CAMK2G: variants seen among roughly 807,000 people sequenced by gnomAD.
The protein encoded by CAMK2G is calcium/calmodulin dependent protein kinase II gamma, also known as calcium/calmodulin-dependent protein kinase type II subunit gamma.
In CAMK2G, 23 loss-of-function variants were observed where a neutral mutation model predicts 88.7. The observed-to-expected ratio is 0.26, with a 90% CI of 0.19 to 0.37. The LOEUF (loss-of-function observed/expected upper bound fraction) is 0.37, where lower values mean the gene tolerates loss of function less well. Among genes scored for constraint, CAMK2G ranks in the 10% least tolerant of loss-of-function variants. The probability of loss-of-function intolerance (pLI) is 1.00; values close to 1 mark genes in which losing one functional copy is unlikely to be tolerated. For missense variants in CAMK2G, 476 were observed against 780.8 expected, an observed-to-expected ratio of 0.61 and a Z score of 4.65; for synonymous variants, 263 against 294.8, an observed-to-expected ratio of 0.89 and a Z score of 1.11.
rs1251952984 is a variant in CAMK2G at position 73,853,165 on chromosome 10, C to T, written c.275+27G>A. On this transcript the variant is annotated intron_variant, in intron 4 of 22. Transcript: ENST00000423381. ...TTTGAGTCAGCTAGAGGGAAAGGCC[C>T]CCACACCCTCAGAAAGTGGCACTTA... is the stretch of plus-strand genomic sequence containing the variant. The T allele has an allele frequency of 3.1e-6, 5 of 1,609,048 alleles. No homozygotes were observed. The Admixed American group carries it at 8.3e-5, about 27-fold the overall frequency.
chr10:73,827,468 C>T (rs1262296240), intron 15 of CAMK2G, among the ~76,000 whole-genome samples: 2 of 152,030 alleles, frequency 1.3e-5, no homozygotes, highest in East Asian at 1.9e-4. Flanking sequence ...CGTGAGCCAT[C>T]GCGCCCGGCC....
intron 3 of CAMK2G, among the ~76,000 whole-genome samples, chr10:73,854,621 G>A (rs1198638878): frequency 1.3e-5 from 2 of 152,164 alleles, no homozygotes; most frequent in Non-Finnish European, 2.9e-5. Flanking sequence ...ACAAAGAAAT[G>A]GCCATGTCTC....
intron 19 of CAMK2G, 71 bp downstream of exon 19, chr10:73,819,461 G>A: frequency 1.1e-5 from 12 of 1,069,156 alleles, no homozygotes; most frequent in Non-Finnish European, 1.7e-5. Context: ...GACAGCTGTG[G>A]TGGGGGTCCC....
At chr10:73,829,456 C>T (rs1240522253) in intron 14 of CAMK2G, among the ~76,000 whole-genome samples, 1 of 151,690 alleles carries the variant, frequency 6.6e-6, no homozygotes, top group East Asian at 1.9e-4. Flanking sequence ...CACCACGCCC[C>T]ACTGATTTTT....
At chr10:73,831,268 G>A (rs370533926) in intron 14 of CAMK2G, among the ~76,000 whole-genome samples, 5 of 152,132 alleles carry the variant, frequency 3.3e-5, no homozygotes, top group African/African-American at 9.7e-5. Flanking sequence ...GGCCGGGCAC[G>A]GTGGTTCATG....
chr10:73,822,874 A>G (rs564966199), intron 17 of CAMK2G, among the ~76,000 whole-genome samples: 2 of 152,028 alleles, frequency 1.3e-5, no homozygotes, highest in South Asian at 4.2e-4. Flanking sequence ...TCTGTTTTTC[A>G]TTTTTTAGAT....
chr10:73,814,976 C>T, intron 22 of CAMK2G, 27 bp downstream of exon 22: 1 of 1,502,960 alleles, frequency 6.7e-7, no homozygotes, highest in Non-Finnish European at 9.2e-7. Context: ...GCCCTTCCAG[C>T]CCCTCTCCCC....
chr10:73,857,586 A>T (rs2664280), intron 3 of CAMK2G, among the ~76,000 whole-genome samples: 66,115 of 152,090 alleles, frequency 0.43, 15,931 homozygotes, highest in Middle Eastern at 0.6. Flanking sequence ...TGCGTGAGTC[A>T]TAAGCACATA....
intron 1 of CAMK2G, among the ~76,000 whole-genome samples, chr10:73,874,096 A>AG (rs2095980734): frequency 7.6e-5 from 1 of 13,142 alleles, no homozygotes; most frequent in South Asian, 2.2e-3. Context: ...GGTGGTCGGG[A>AG]GGGGGGCGCC....
At chr10:73,858,923 C>T (rs898467659) in intron 3 of CAMK2G, among the ~76,000 whole-genome samples, 4 of 152,370 alleles carry the variant, frequency 2.6e-5, no homozygotes, top group East Asian at 3.9e-4. Context: ...GGTCAACCCG[C>T]CCATGGTCAA....
intron 16 of CAMK2G, 143 bp downstream of exon 16, chr10:73,825,136 A>C: frequency 1.4e-6 from 1 of 693,290 alleles, no homozygotes. Flanking sequence ...AGGGGCATAC[A>C]GGGCGGCACA....
At chr10:73,868,800 GC>G (rs1374539999) in intron 2 of CAMK2G, among the ~76,000 whole-genome samples, 1 of 152,156 alleles carries the variant, frequency 6.6e-6, no homozygotes, top group African/African-American at 2.4e-5. Flanking sequence ...CACTAAGGGG[GC>G]GGGGACTCTC....
chr10:73,825,133 T>C (rs565470838), intron 16 of CAMK2G, 146 bp downstream of exon 16: 1 of 688,654 alleles, frequency 1.5e-6, no homozygotes, highest in African/African-American at 1.8e-5. Context: ...GGAAGGGGCA[T>C]ACAGGGCGGC....
At chr10:73,830,394 C>A (rs2092242290) in intron 14 of CAMK2G, among the ~76,000 whole-genome samples, 1 of 152,178 alleles carries the variant, frequency 6.6e-6, no homozygotes, top group African/African-American at 2.4e-5. Context: ...GCCTCAGCCA[C>A]CTGAGTAGCT....
intron 14 of CAMK2G, among the ~76,000 whole-genome samples, chr10:73,830,638 T>C (rs2092287525): frequency 6.6e-6 from 1 of 152,234 alleles, no homozygotes; most frequent in Non-Finnish European, 1.5e-5. Context: ...ATGGCCATTC[T>C]GGCCTGGGAC....
At chr10:73,873,365 G>A in intron 1 of CAMK2G, 1 of 1,304,138 alleles carries the variant, frequency 7.7e-7, no homozygotes, top group Non-Finnish European at 9.8e-7. Flanking sequence ...ATCAGGAGCG[G>A]GTGGGCGATG....
At chr10:73,864,714 C>T (rs1160853277) in intron 2 of CAMK2G, among the ~76,000 whole-genome samples, 1 of 152,088 alleles carries the variant, frequency 6.6e-6, no homozygotes, top group Non-Finnish European at 1.5e-5. Flanking sequence ...ATGATCTCGG[C>T]TCACTGCAAG....
At chr10:73,835,564 T>A (rs2093098417) in intron 14 of CAMK2G, among the ~76,000 whole-genome samples, 1 of 151,938 alleles carries the variant, frequency 6.6e-6, no homozygotes, top group South Asian at 2.1e-4. Context: ...ATGCTGGGAT[T>A]ACAGGAGTGA....
At chr10:73,816,205 T>A in intron 21 of CAMK2G, 1 of 985,152 alleles carries the variant, frequency 1.0e-6, no homozygotes, top group Non-Finnish European at 1.2e-6. Flanking sequence ...TTATTTTCCA[T>A]GAACTGTCCA....
Sources: gnomAD v4.1 joint callset for allele counts (sites outside exome capture counted in the v4.1 genomes callset) on GRCh38, gnomAD v4.1.1 for gene constraint, MANE v1.5 for transcripts, NCBI Gene and HGNC (gene_info 2026-07-23, HGNC 2026-07-21) for gene names.